Variants in ZMIZ1 observed in about 807,000 individuals in gnomAD.
The protein encoded by ZMIZ1 is zinc finger MIZ-type containing 1.
ZMIZ1 carries 17 observed loss-of-function variants against 113.9 expected under a neutral mutation model. That is an observed-to-expected ratio of 0.15 (90% CI 0.10 to 0.22). The LOEUF is 0.22. ZMIZ1 is among the 10% of genes least tolerant of loss of function. The pLI is 1.00. For missense variants in ZMIZ1, 1,059 were observed against 1,477.8 expected (o/e 0.72, Z 4.65); for synonymous variants, 607 against 603.1 (o/e 1.01, Z -0.09).
At chr10:79,080,295 T>C (rs1448125297) in intron 1 of ZMIZ1, among the ~76,000 whole-genome samples, 3 of 138,904 alleles carry the variant, frequency 2.2e-5, no homozygotes, top group African/African-American at 8.3e-5. Context: ...AAAGCTCGGG[T>C]GTGACTTTTT....
intron 2 of ZMIZ1, among the ~76,000 whole-genome samples, chr10:79,127,249 T>C (rs1478199706): frequency 6.6e-6 from 1 of 152,138 alleles, no homozygotes; most frequent in Admixed American, 6.5e-5. Context: ...GTGTGGCTCC[T>C]CCCCATAGCC....
chr10:79,303,208 G>A (rs374235107), intron 18 of ZMIZ1, among the ~76,000 whole-genome samples: 10 of 147,444 alleles, frequency 6.8e-5, no homozygotes, highest in African/African-American at 2.5e-4. Context: ...GCTCATGCCT[G>A]TAATTCTAGC....
At chr10:79,170,599 C>A (rs1455905935) in intron 4 of ZMIZ1, among the ~76,000 whole-genome samples, 1 of 152,210 alleles carries the variant, frequency 6.6e-6, no homozygotes, top group East Asian at 1.9e-4. Context: ...TAACTGGTAC[C>A]TACTGGGAGG....
At position 79,296,736 on chromosome 10, in the gene ZMIZ1, A is replaced by G. The variant is rs1853922116; in HGVS notation, c.1413+83A>G. ...CCCTAACTCCACCGGGATCACTCTG[A>G]CCCTGCGTGTGTTTGCCCCAAGGAC... On this transcript the variant is annotated intron_variant, in intron 13 of 24. Coordinates refer to ENST00000334512, the MANE Select transcript of ZMIZ1 (RefSeq NM_020338.4). This position sits in a 1 kb window ranked among gnomAD's most constrained non-coding sequence, Gnocchi z 4.1. 1.6e-5 allele frequency: 22 copies of G among 1,366,194 alleles called. No homozygotes were observed. The South Asian group carries it at 3.2e-4, about 20-fold the overall frequency. 84.6% of individuals were successfully genotyped at this position (1,366,194 alleles called of 1,614,324 possible).
intron 4 of ZMIZ1, among the ~76,000 whole-genome samples, chr10:79,192,661 C>CT (rs1311825467): frequency 2.0e-5 from 3 of 152,174 alleles, no homozygotes; most frequent in African/African-American, 4.8e-5. Flanking sequence ...ACACTGTCCC[C>CT]TAAGTATTCA....
chr10:79,242,005 C>T (rs1284456707), intron 7 of ZMIZ1, among the ~76,000 whole-genome samples: 3 of 152,084 alleles, frequency 2.0e-5, no homozygotes, highest in African/African-American at 7.2e-5. Flanking sequence ...GGTCACCACA[C>T]AAGCAACTTT....
intron 2 of ZMIZ1, among the ~76,000 whole-genome samples, chr10:79,122,270 T>C (rs375499280): frequency 1.3e-3 from 194 of 152,244 alleles, no homozygotes; most frequent in African/African-American, 4.3e-3. Context: ...GGGTCAGTGG[T>C]GCCAGCATCT....
At chr10:79,172,132 G>C (rs906805303) in intron 4 of ZMIZ1, among the ~76,000 whole-genome samples, 3 of 152,134 alleles carry the variant, frequency 2.0e-5, no homozygotes, top group African/African-American at 7.2e-5. Context: ...CAGCAGCTCA[G>C]CCTCATTCAC....
intron 7 of ZMIZ1, among the ~76,000 whole-genome samples, chr10:79,231,637 G>A (rs1849398253): frequency 6.6e-6 from 1 of 152,092 alleles, no homozygotes; most frequent in African/African-American, 2.4e-5. Flanking sequence ...GGAGTGCAGT[G>A]GCACGATCTT....
intron 22 of ZMIZ1, 74 bp from the exon 23 acceptor site, chr10:79,307,331 C>T (rs1407730442): frequency 1.4e-6 from 2 of 1,447,526 alleles, no homozygotes; most frequent in East Asian, 4.6e-5. Flanking sequence ...TATTTTTACA[C>T]ACTCTCTGTT....
intron 7 of ZMIZ1, among the ~76,000 whole-genome samples, chr10:79,224,855 C>G (rs991505285): frequency 6.6e-6 from 1 of 151,880 alleles, no homozygotes; most frequent in South Asian, 2.1e-4. Context: ...AAGCACTGAT[C>G]GAGAAGTGGA....
chr10:79,152,467 T>C (rs1037450629), intron 3 of ZMIZ1, among the ~76,000 whole-genome samples: 1 of 152,046 alleles, frequency 6.6e-6, no homozygotes, highest in Non-Finnish European at 1.5e-5. Flanking sequence ...ACCACTGCAC[T>C]CCAGCCTGAG....
At position 79,293,637 on chromosome 10, in the gene ZMIZ1, G is replaced by C; in HGVS notation, c.1214G>C (p.Arg405Thr). 6.2e-7 allele frequency: 1 copy of C among 1,613,156 alleles called. No individual in the cohort carries two copies. The highest frequency in any genetic ancestry group is 8.5e-7 in the Non-Finnish European group (1 of 1,180,026). The change falls in exon 12 of 25, where the codon AGG (arginine) becomes ACG (threonine). Residue 405 changes from arginine to threonine, a missense_variant. This residue lies in a region of ZMIZ1 where 239 missense variants were observed against 247.5 expected (regional missense o/e 0.97). Coordinates refer to ENST00000334512, the MANE Select transcript of ZMIZ1 (RefSeq NM_020338.4). ...TCCCTTCCTATTCAGAACATAAAGA[G>C]GCCATACCCTGGAGAGGTGAGTGCA... ...PQSLPIQNIK[R>T]PYPGEPNYGN...
chr10:79,168,922 G>A (rs1252959640), intron 4 of ZMIZ1, among the ~76,000 whole-genome samples: 1 of 152,216 alleles, frequency 6.6e-6, no homozygotes, highest in Non-Finnish European at 1.5e-5. Context: ...TGGTTGCTGA[G>A]CCTTTGGAAG....
intron 2 of ZMIZ1, 42 bp from the exon 3 acceptor site, chr10:79,139,640 G>C: frequency 5.0e-6 from 2 of 398,370 alleles, no homozygotes; most frequent in Non-Finnish European, 8.9e-6. Flanking sequence ...CGGCACACCG[G>C]CCTGCTCTCA....
intron 1 of ZMIZ1, among the ~76,000 whole-genome samples, chr10:79,095,152 C>T (rs990192222): frequency 2.6e-5 from 4 of 152,156 alleles, no homozygotes; most frequent in African/African-American, 9.6e-5. Context: ...CTCTCAGGAC[C>T]TCAGTTTTCA....
At chr10:79,161,257 A>G (rs531891359) in intron 3 of ZMIZ1, among the ~76,000 whole-genome samples, 2 of 152,104 alleles carry the variant, frequency 1.3e-5, no homozygotes, top group Non-Finnish European at 2.9e-5. Flanking sequence ...CTATTCCTCC[A>G]AGCCCTTCTC....
rs562814528 is a variant in ZMIZ1, at chr10:79,099,937, T to C, written c.-336-18978T>C. Reference sequence around the variant, plus strand: ...GTGTGGTTCCCATCACTACTGCTTGTATGACCCGAACAAGTCTCCAGCCAC... The same window carrying C: ...GTGTGGTTCCCATCACTACTGCTTGCATGACCCGAACAAGTCTCCAGCCAC... On this transcript the variant is annotated intron_variant, in intron 1 of 24. Coordinates refer to ENST00000334512, the MANE Select transcript of ZMIZ1 (RefSeq NM_020338.4). 2.6e-5 allele frequency among the ~76,000 whole-genome samples: 4 copies of C among 152,204 alleles called. No individual in the cohort carries two copies. The East Asian group carries it at 5.8e-4, about 22-fold the overall frequency.
At chr10:79,070,541 C>A (rs1346903891) in intron 1 of ZMIZ1, among the ~76,000 whole-genome samples, 2 of 152,006 alleles carry the variant, frequency 1.3e-5, no homozygotes, top group Non-Finnish European at 2.9e-5. Context: ...CCGGTCCGGG[C>A]CCCCCACCCC....
Sources: gnomAD v4.1 joint callset for allele counts (sites outside exome capture counted in the v4.1 genomes callset) on GRCh38, gnomAD v4.1.1 for gene constraint, gnomAD v4.1.1 regional missense constraint, Gnocchi (gnomAD v3.1) non-coding constraint, MANE v1.5 for transcripts, NCBI Gene and HGNC (gene_info 2026-07-23, HGNC 2026-07-21) for gene names.